Variants in CPA6 observed in about 807,000 individuals in gnomAD.
The protein encoded by CPA6 is carboxypeptidase B.
In CPA6, 58 loss-of-function variants were observed where a neutral mutation model predicts 63.3. The observed-to-expected ratio is 0.92, with a 90% CI of 0.74 to 1.14. The LOEUF (loss-of-function observed/expected upper bound fraction) is 1.14, where lower values mean the gene tolerates loss of function less well. Among genes scored for constraint, CPA6 ranks in the 50% most tolerant of loss-of-function variants. CPA6 has a pLI of 0.00. For missense variants in CPA6, 565 were observed against 526.6 expected, an observed-to-expected ratio of 1.07 and a Z score of -0.71; for synonymous variants, 185 against 179.0, an observed-to-expected ratio of 1.03 and a Z score of -0.27.
intron 1 of CPA6, among the ~76,000 whole-genome samples, chr8:67,677,655 T>C (rs768790166): frequency 2.0e-4 from 30 of 152,236 alleles, no homozygotes; most frequent in Non-Finnish European, 3.5e-4. Flanking sequence ...GAGACATAGA[T>C]ACAAGTGTAA....
chr8:67,664,851 G>A (rs78692592), intron 1 of CPA6, among the ~76,000 whole-genome samples: 2,225 of 152,144 alleles, frequency 0.015, 40 homozygotes, highest in African/African-American at 0.043. Context: ...TTGTACTTGG[G>A]CAATCGTGTA....
intron 1 of CPA6, among the ~76,000 whole-genome samples, chr8:67,717,886 C>T (rs1251111471): frequency 1.3e-5 from 2 of 152,114 alleles, no homozygotes; most frequent in Non-Finnish European, 2.9e-5. Context: ...GTGGAAGAGG[C>T]AAGGGCCTGA....
rs148116486 is a variant in CPA6, at chr8:67,648,693, A to G, written c.117-24442T>C. On this transcript the variant is annotated intron_variant, in intron 1 of 10. Transcript: ENST00000297770. ...TAAGAATTTTTATTTGAAACTTTTC[A>G]TGCAGAATTTTGTTTTTCTTTTGGT... 6.0e-3 allele frequency among the ~76,000 whole-genome samples: 912 copies of G among 152,342 alleles called. 9 individuals carry two copies. Among genetic ancestry groups the G allele is most frequent in the African/African-American group, 0.021 (853 of 41,582 alleles).
chr8:67,653,085 G>A (rs1316323375), intron 1 of CPA6, among the ~76,000 whole-genome samples: 4 of 152,074 alleles, frequency 2.6e-5, no homozygotes, highest in Admixed American at 6.6e-5. Flanking sequence ...GCTCTGTTGT[G>A]TTCCATTGAT....
intron 8 of CPA6, among the ~76,000 whole-genome samples, chr8:67,442,808 T>C (rs1250365704): frequency 1.3e-5 from 2 of 152,164 alleles, no homozygotes; most frequent in African/African-American, 4.8e-5. Flanking sequence ...CATCACTGCA[T>C]TCTCATCAAG....
At chr8:67,681,899 A>G (rs1816606676) in intron 1 of CPA6, among the ~76,000 whole-genome samples, 1 of 151,810 alleles carries the variant, frequency 6.6e-6, no homozygotes, top group Admixed American at 6.6e-5. Context: ...TTTCCATATG[A>G]ATTTTAAAAT....
intron 1 of CPA6, among the ~76,000 whole-genome samples, chr8:67,711,803 C>T (rs1817268157): frequency 6.6e-6 from 1 of 151,904 alleles, no homozygotes; most frequent in Admixed American, 6.6e-5. Flanking sequence ...AGCCATTCAG[C>T]ATTGTAAGTT....
chr8:67,619,228 C>G (rs565920997), intron 2 of CPA6, among the ~76,000 whole-genome samples: 1 of 152,188 alleles, frequency 6.6e-6, no homozygotes, highest in African/African-American at 2.4e-5. Context: ...GGAAAATTAA[C>G]AATGATTCAT....
chr8:67,548,646 G>A (rs535633902), intron 2 of CPA6, among the ~76,000 whole-genome samples: 1 of 152,306 alleles, frequency 6.6e-6, no homozygotes, highest in Non-Finnish European at 1.5e-5. Context: ...CAGAATATGA[G>A]TTTTTAATGT....
chr8:67,613,748 T>C (rs571830708), intron 2 of CPA6, among the ~76,000 whole-genome samples: 8 of 152,270 alleles, frequency 5.3e-5, no homozygotes, highest in African/African-American at 1.9e-4. Flanking sequence ...TGGCCCTAAA[T>C]GAGACCAGGC....
chr8:67,608,609 G>T (rs1044765607), intron 2 of CPA6, among the ~76,000 whole-genome samples: 2 of 152,138 alleles, frequency 1.3e-5, no homozygotes, highest in East Asian at 1.9e-4. Flanking sequence ...AGAGGGCGGG[G>T]TATAAAAAGC....
intron 1 of CPA6, among the ~76,000 whole-genome samples, chr8:67,714,472 C>A (rs1304281081): frequency 1.3e-5 from 2 of 152,146 alleles, no homozygotes; most frequent in Non-Finnish European, 2.9e-5. Flanking sequence ...ACTTCGGGAG[C>A]CCGAGCACTC....
At chr8:67,679,105 G>A (rs764625399) in intron 1 of CPA6, among the ~76,000 whole-genome samples, 5 of 152,168 alleles carry the variant, frequency 3.3e-5, no homozygotes, top group African/African-American at 4.8e-5. Context: ...TACTGGTAAT[G>A]TTCTGTGGTT....
chr8:67,603,232 C>G (rs1188478468), intron 2 of CPA6, among the ~76,000 whole-genome samples: 1 of 152,116 alleles, frequency 6.6e-6, no homozygotes, highest in African/African-American at 2.4e-5. Flanking sequence ...CAGGAGGTTA[C>G]TTTCAGCTTT....
At position 67,711,720 on chromosome 8, in the gene CPA6, C is replaced by CGT. The variant is rs1554537429; in HGVS notation, c.116+34293_116+34294insAC. 1.7e-3 allele frequency among the ~76,000 whole-genome samples: 262 copies of CGT among 151,150 alleles called. 4 individuals are homozygous for CGT. Among genetic ancestry groups the CGT allele is most frequent in the South Asian group, 0.011 (53 of 4,790 alleles). ...ACACACACACACACACACACACACA[C>CGT]ACATCTGAAAGATGGAGGGGCACCT... On this transcript the variant is annotated intron_variant, in intron 1 of 10. Coordinates refer to ENST00000297770, the MANE Select transcript of CPA6 (RefSeq NM_020361.5).
At chr8:67,710,410 C>T (rs865933945) in intron 1 of CPA6, among the ~76,000 whole-genome samples, 8 of 148,712 alleles carry the variant, frequency 5.4e-5, no homozygotes, top group Admixed American at 2.0e-4. Context: ...CCCACCCCCC[C>T]CCAACCCCCC....
In CPA6 at chr8:67,516,420, G is replaced by T. The variant is rs546110785; in HGVS notation, c.317+1503C>A. ...ATCATCGATGTCTCCCTCCCTACAGGCTCTTCCCTCAGCCTACAAATACAC... is the reference window on the plus strand; with the variant it reads ...ATCATCGATGTCTCCCTCCCTACAGTCTCTTCCCTCAGCCTACAAATACAC... On this transcript the variant is annotated intron_variant, in intron 3 of 10. Transcript: ENST00000297770. Among the ~76,000 whole-genome samples the T allele has an allele frequency of 3.3e-4, 50 of 152,084 alleles. 1 individual carries two copies. Among genetic ancestry groups the T allele is most frequent in the African/African-American group, 1.2e-3 (49 of 41,472 alleles).
chr8:67,553,738 C>T (rs557078107), intron 2 of CPA6, among the ~76,000 whole-genome samples: 1 of 152,258 alleles, frequency 6.6e-6, no homozygotes, highest in East Asian at 1.9e-4. Context: ...TAAAATGTGG[C>T]ATTTTAGTAT....
At chr8:67,619,921 C>A (rs1486633601) in intron 2 of CPA6, among the ~76,000 whole-genome samples, 1 of 152,182 alleles carries the variant, frequency 6.6e-6, no homozygotes, top group Non-Finnish European at 1.5e-5. Context: ...AATTATCAAA[C>A]CATTTATCTG....
Sources: allele counts gnomAD v4.1 joint callset (sites outside exome capture counted in the v4.1 genomes callset), GRCh38; gene constraint gnomAD v4.1.1; transcripts MANE v1.5; gene names NCBI Gene and HGNC (gene_info 2026-07-23, HGNC 2026-07-21).